Variants in PSMD1 observed in about 807,000 individuals in gnomAD.
PSMD1 encodes proteasome 26S subunit, non-ATPase 1.
PSMD1 carries 18 observed loss-of-function variants against 119.0 expected under a neutral mutation model. The observed-to-expected ratio is 0.15, with a 90% CI of 0.10 to 0.22. The LOEUF (loss-of-function observed/expected upper bound fraction) is 0.22. Among genes scored for constraint, PSMD1 ranks in the 10% least tolerant of loss-of-function variants. The pLI is 1.00. For missense variants in PSMD1, 702 were observed against 1,158.5 expected (o/e 0.61, Z 5.72); for synonymous variants, 374 against 396.6 (o/e 0.94, Z 0.68).
intron 19 of PSMD1, among the ~76,000 whole-genome samples, chr2:231,154,820 G>T (rs919956363): frequency 1.3e-5 from 2 of 152,134 alleles, no homozygotes; most frequent in African/African-American, 4.8e-5. Context: ...TAAACAAGTT[G>T]ACATTGAATC....
chr2:231,075,648 C>T (rs60087901), intron 8 of PSMD1, 77 bp downstream of exon 8: 89,769 of 1,304,170 alleles, frequency 0.069, 7,661 homozygotes, highest in African/African-American at 0.39. Context: ...GGCGCGGTCT[C>T]GGCTCACTAC....
intron 16 of PSMD1, chr2:231,108,765 G>A (rs747241205): frequency 6.8e-6 from 11 of 1,613,936 alleles, no homozygotes; most frequent in East Asian, 2.2e-5. Flanking sequence ...TTTGTGGCCC[G>A]GTAATTGCAG....
chr2:231,092,355 G>A (rs939060197), intron 16 of PSMD1, among the ~76,000 whole-genome samples: 10 of 152,284 alleles, frequency 6.6e-5, no homozygotes, highest in South Asian at 2.1e-4. Flanking sequence ...GTTTTGGGGT[G>A]TAATGGAAAT....
intron 19 of PSMD1, among the ~76,000 whole-genome samples, chr2:231,155,533 A>G (rs989634366): frequency 6.6e-6 from 1 of 151,548 alleles, no homozygotes; most frequent in Non-Finnish European, 1.5e-5. Context: ...TCTCCTTTCT[A>G]ATTTGATTAA....
At chr2:231,149,933 C>T (rs1696335570) in intron 18 of PSMD1, among the ~76,000 whole-genome samples, 1 of 152,102 alleles carries the variant, frequency 6.6e-6, no homozygotes, top group African/African-American at 2.4e-5. Flanking sequence ...AGGAAGAATA[C>T]AGATAATATT....
intron 4 of PSMD1, among the ~76,000 whole-genome samples, chr2:231,066,668 C>T (rs536766471): frequency 2.0e-5 from 3 of 152,282 alleles, no homozygotes; most frequent in African/African-American, 7.2e-5. Context: ...TGAGCACTAC[C>T]ACACCTGGCA....
chr2:231,146,251 T>C lies in PSMD1; in HGVS notation c.2010T>C (p.Asn670=), dbSNP rs1293233740. The part of the protein sequence containing the change: ...CAGTGNKEAI[N]LLEPMTNDPV... ...TTAAATTCTTTCAGGAAGCCATTAA[T>C]TTGCTAGAACCAATGACAAACGACC... The change falls in exon 18 of 25, where the codon AAT becomes AAC. Residue 670 remains asparagine, a synonymous_variant. Transcript: ENST00000308696. 3.7e-6 allele frequency: 6 copies of C among 1,612,380 alleles called. No homozygotes were observed. Among genetic ancestry groups the C allele is most frequent in the Non-Finnish European group, 5.1e-6 (6 of 1,178,586 alleles).
At chr2:231,166,642 G>A (rs78734486) in intron 23 of PSMD1, among the ~76,000 whole-genome samples, 3,378 of 152,164 alleles carry the variant, frequency 0.022, 137 homozygotes, top group African/African-American at 0.077. Context: ...TCAGAAATAT[G>A]AGTGTGATAC....
rs115570545 is a variant in PSMD1, at chr2:231,137,767, C to A, written c.1884-969C>A. Among the ~76,000 whole-genome samples the A allele has an allele frequency of 6.1e-4, 93 of 152,226 alleles. 1 individual carries two copies. The highest frequency in any genetic ancestry group is 2.0e-3 in the African/African-American group (85 of 41,540). ...ATGAATACCCAGTGTTTAGCTCTCA[C>A]TTATAAGTGAGAACATGCAGTATTT... On this transcript the variant is annotated intron_variant, in intron 16 of 24. Transcript: ENST00000308696.
chr2:231,101,617 A>G (rs1215641755), intron 16 of PSMD1, among the ~76,000 whole-genome samples: 1 of 152,160 alleles, frequency 6.6e-6, no homozygotes, highest in African/African-American at 2.4e-5. Flanking sequence ...CTACAGAGAA[A>G]TCTTTTGTGA....
At chr2:231,066,550 ATAAAT>A (rs1418186515) in intron 4 of PSMD1, among the ~76,000 whole-genome samples, 2 of 152,198 alleles carry the variant, frequency 1.3e-5, no homozygotes, top group Non-Finnish European at 2.9e-5. Flanking sequence ...AACTTTAAAA[ATAAAT>A]TAAATAAGAG....
At chr2:231,099,768 G>C (rs1694817955) in intron 16 of PSMD1, among the ~76,000 whole-genome samples, 1 of 152,098 alleles carries the variant, frequency 6.6e-6, no homozygotes, top group South Asian at 2.1e-4. Flanking sequence ...GTTTGTGTGA[G>C]GTTCAATCCC....
At position 231,076,540 on chromosome 2, in the gene PSMD1, G is replaced by A. The variant is rs183239220; in HGVS notation, c.943-494G>A. On this transcript the variant is annotated intron_variant, in intron 8 of 24. Transcript: ENST00000308696. ...AAATTAGCTGAGCGTGGTGGCACAC[G>A]CCTTTAATCCCAGGTACTCGGGAGA... Among the ~76,000 whole-genome samples, 20 of 152,206 alleles carry A rather than the reference G, an allele frequency of 1.3e-4. No homozygotes were observed. In the East Asian group the frequency reaches 2.9e-3, roughly 22 times the overall value.
intron 14 of PSMD1, 85 bp downstream of exon 14, chr2:231,083,848 A>G: frequency 7.5e-7 from 1 of 1,330,268 alleles, no homozygotes; most frequent in Non-Finnish European, 1.1e-6. Flanking sequence ...CTCTGTTCCC[A>G]TCAGAACATG....
intron 4 of PSMD1, among the ~76,000 whole-genome samples, chr2:231,065,830 A>AT (rs1693897586): frequency 6.6e-6 from 1 of 152,192 alleles, no homozygotes; most frequent in South Asian, 2.1e-4. Context: ...TTTTGCATGA[A>AT]TTTTCAGACA....
At chr2:231,072,910 A>T (rs1041266493) in intron 7 of PSMD1, among the ~76,000 whole-genome samples, 1 of 152,184 alleles carries the variant, frequency 6.6e-6, no homozygotes, top group African/African-American at 2.4e-5. Context: ...ATCACTTACT[A>T]AAAACATTTG....
chr2:231,128,332 C>T (rs1234468699), intron 16 of PSMD1, among the ~76,000 whole-genome samples: 2 of 152,202 alleles, frequency 1.3e-5, no homozygotes, highest in African/African-American at 4.8e-5. Context: ...TAAGGTAGAA[C>T]TAAGACTAGC....
intron 9 of PSMD1, 57 bp from the exon 10 acceptor site, chr2:231,078,602 G>C: frequency 7.8e-7 from 1 of 1,280,968 alleles, no homozygotes; most frequent in Non-Finnish European, 1.1e-6. Context: ...GTGTGTGAGG[G>C]TGTGCATATA....
intron 18 of PSMD1, among the ~76,000 whole-genome samples, chr2:231,150,093 C>T (rs983804666): frequency 9.8e-5 from 15 of 152,302 alleles, no homozygotes; most frequent in African/African-American, 3.6e-4. Flanking sequence ...CGCCTATAAT[C>T]ACAGCACTTT....
Sources: gnomAD v4.1 joint callset for allele counts (sites outside exome capture counted in the v4.1 genomes callset) on GRCh38, gnomAD v4.1.1 for gene constraint, MANE v1.5 for transcripts, NCBI Gene and HGNC (gene_info 2026-07-23, HGNC 2026-07-21) for gene names.